The following DNM3 variants were observed in gnomAD, a reference collection of about 807,000 sequenced individuals.
DNM3 encodes dynamin 3, also known as dynamin-3.
In DNM3, 47 loss-of-function variants were observed where a neutral mutation model predicts 101.6. That is an observed-to-expected ratio of 0.46 (90% CI 0.37 to 0.59). The LOEUF (loss-of-function observed/expected upper bound fraction) is 0.59, where lower values mean the gene tolerates loss of function less well. Among genes scored for constraint, DNM3 ranks in the 20% least tolerant of loss-of-function variants. The probability of loss-of-function intolerance (pLI) is 0.00; values close to 1 mark genes in which losing one functional copy is unlikely to be tolerated. For synonymous variants in DNM3, 385 were observed against 387.9 expected (o/e 0.99, Z 0.09); for missense variants, 849 against 1,085.7 (o/e 0.78, Z 3.06).
chr1:172,416,475 TATAA>T (rs569277983), downstream of DNM3, among the ~76,000 whole-genome samples: 127 of 152,304 alleles, frequency 8.3e-4, no homozygotes, highest in Non-Finnish European at 1.3e-3. Flanking sequence ...TGTCTGAGGA[TATAA>T]ATGTCACCCT....
intron 17 of DNM3, chr1:172,376,244 A>G (rs778917852): frequency 2.0e-5 from 3 of 152,052 alleles, no homozygotes; most frequent in Non-Finnish European, 4.4e-5. Context: ...GGTTTCTACA[A>G]TATTATTCAC....
chr1:172,353,791 T>C (rs1362354946), intron 17 of DNM3, among the ~76,000 whole-genome samples: 2 of 152,170 alleles, frequency 1.3e-5, no homozygotes, highest in Non-Finnish European at 2.9e-5. Flanking sequence ...AAACAAACTA[T>C]ATAAGTGAAA....
chr1:172,209,640 G>A (rs1389466160), intron 14 of DNM3, among the ~76,000 whole-genome samples: 1 of 151,956 alleles, frequency 6.6e-6, no homozygotes. Context: ...TTCTGTGTCT[G>A]ACGGTGCTCC....
chr1:171,972,744 G>C (rs953037974), intron 2 of DNM3, among the ~76,000 whole-genome samples: 2 of 152,186 alleles, frequency 1.3e-5, no homozygotes, highest in African/African-American at 4.8e-5. Context: ...AGCTACTTGG[G>C]AGGATGAGGC....
intron 20 of DNM3, among the ~76,000 whole-genome samples, chr1:172,394,961 C>CGTT (rs1248992184): frequency 2.0e-5 from 3 of 152,190 alleles, no homozygotes; most frequent in Non-Finnish European, 4.4e-5. Flanking sequence ...CACTGCACTT[C>CGTT]GTTGTTTCCC....
intron 2 of DNM3, among the ~76,000 whole-genome samples, chr1:171,927,098 T>C (rs1053278155): frequency 1.3e-5 from 2 of 152,186 alleles, no homozygotes; most frequent in African/African-American, 2.4e-5. Flanking sequence ...GAAAGGAAGA[T>C]GTAAAATTAT....
intron 2 of DNM3, among the ~76,000 whole-genome samples, chr1:171,929,516 T>A (rs1252549253): frequency 1.3e-5 from 2 of 151,878 alleles, no homozygotes; most frequent in Non-Finnish European, 2.9e-5. Context: ...TGGGAGGTCC[T>A]GCCCAGTAAG....
rs1056844132 is a variant in DNM3, at chr1:172,387,019, A to C, written c.2059-114A>C. 1.7e-5 allele frequency: 14 copies of C among 810,650 alleles called. No individual in the cohort carries two copies. In the Admixed American group the frequency reaches 3.3e-4, roughly 19 times the overall value. 50.2% of individuals were successfully genotyped at this position (810,650 alleles called of 1,614,324 possible). On this transcript the variant is annotated intron_variant, in intron 18 of 20. Transcript: ENST00000627582. ...TGGTGCTTCACTTTTCCCAGGGTGG[A>C]CTTTGGTGGACTTTGGTGGACTTTG...
intron 14 of DNM3, among the ~76,000 whole-genome samples, chr1:172,185,687 G>A (rs751069466): frequency 9.9e-5 from 15 of 152,196 alleles, no homozygotes; most frequent in Non-Finnish European, 1.2e-4. Context: ...TCCATTTTGT[G>A]AAGTTCTATT....
chr1:172,163,939 A>T (rs2058647860), intron 14 of DNM3, among the ~76,000 whole-genome samples: 1 of 142,258 alleles, frequency 7.0e-6, no homozygotes, highest in Non-Finnish European at 1.5e-5. Context: ...GCATATATAC[A>T]CATGCATACA....
At chr1:172,336,986 A>T in intron 17 of DNM3, among the ~76,000 whole-genome samples, 1 of 152,206 alleles carries the variant, frequency 6.6e-6, no homozygotes, top group East Asian at 1.9e-4. Flanking sequence ...TAATTCTCAA[A>T]ATGTATTGGC....
intron 2 of DNM3, among the ~76,000 whole-genome samples, chr1:171,975,794 G>T (rs920030117): frequency 9.2e-5 from 14 of 152,136 alleles, no homozygotes; most frequent in East Asian, 5.8e-4. Context: ...TAACATTGAG[G>T]TTGGAGAATT....
chr1:172,115,623 G>C (rs2055835863), intron 13 of DNM3, among the ~76,000 whole-genome samples: 3 of 152,112 alleles, frequency 2.0e-5, no homozygotes. Context: ...GGCTTCCTTG[G>C]TGTTCCTGCC....
At chr1:172,259,349 G>T (rs1243119389) in intron 15 of DNM3, among the ~76,000 whole-genome samples, 3 of 152,010 alleles carry the variant, frequency 2.0e-5, no homozygotes, top group African/African-American at 7.2e-5. Context: ...GTGGAGTGTA[G>T]AAGTCCCAAC....
intron 1 of DNM3, among the ~76,000 whole-genome samples, chr1:171,871,297 T>G (rs556636901): frequency 1.5e-4 from 23 of 152,304 alleles, no homozygotes; most frequent in Non-Finnish European, 3.2e-4. Context: ...ACCTGATTTT[T>G]CAAAACACTA....
intron 15 of DNM3, among the ~76,000 whole-genome samples, chr1:172,270,061 A>C (rs1254506261): frequency 6.6e-6 from 1 of 152,220 alleles, no homozygotes; most frequent in Non-Finnish European, 1.5e-5. Flanking sequence ...AGTAAGAAAA[A>C]AACTTACGTC....
intron 2 of DNM3, among the ~76,000 whole-genome samples, chr1:171,945,786 A>G (rs548403769): frequency 2.0e-5 from 3 of 152,276 alleles, no homozygotes; most frequent in South Asian, 4.1e-4. Flanking sequence ...AACCTACTTC[A>G]TATAGGGTGA....
intron 11 of DNM3, among the ~76,000 whole-genome samples, chr1:172,072,682 G>A (rs556396336): frequency 2.6e-5 from 4 of 152,346 alleles, no homozygotes; most frequent in African/African-American, 9.6e-5. Flanking sequence ...GAGGTCAGGA[G>A]TTCAAGACCA....
intron 10 of DNM3, among the ~76,000 whole-genome samples, chr1:172,062,069 T>A (rs769181269): frequency 6.6e-6 from 1 of 152,148 alleles, no homozygotes; most frequent in Non-Finnish European, 1.5e-5. Context: ...TGGGATAGAA[T>A]CTCACCTTTT....
Sources: gnomAD v4.1 joint callset for allele counts (sites outside exome capture counted in the v4.1 genomes callset) on GRCh38, gnomAD v4.1.1 for gene constraint, MANE v1.5 for transcripts, NCBI Gene and HGNC (gene_info 2026-07-23, HGNC 2026-07-21) for gene names.